Variants in EPHA3 observed in about 807,000 individuals in gnomAD.
The protein encoded by EPHA3 is EPH receptor A3, also known as ephrin type-A receptor 3.
Under a neutral mutation model 107.1 loss-of-function variants are expected in EPHA3, and 42 were observed. That is an observed-to-expected ratio of 0.39 (90% confidence interval 0.31 to 0.51). The LOEUF is 0.51. Among genes scored for constraint, EPHA3 ranks in the 20% least tolerant of loss-of-function variants. EPHA3 has a pLI of 0.78. For synonymous variants in EPHA3, 461 were observed against 424.8 expected (o/e 1.09, Z -1.05); for missense variants, 1,183 against 1,211.2 (o/e 0.98, Z 0.35).
intron 3 of EPHA3, among the ~76,000 whole-genome samples, chr3:89,237,584 G>C (rs1704796976): frequency 6.6e-6 from 1 of 152,058 alleles, no homozygotes; most frequent in African/African-American, 2.4e-5. Context: ...AAGTTAGTTG[G>C]TGGTGGATGT....
chr3:89,209,779 G>C, intron 2 of EPHA3, 81 bp from the exon 3 acceptor site: 2 of 1,180,732 alleles, frequency 1.7e-6, no homozygotes, highest in Non-Finnish European at 2.4e-6. Flanking sequence ...TTATTATATA[G>C]AGATGGCTCT....
intron 13 of EPHA3, among the ~76,000 whole-genome samples, chr3:89,441,408 T>C (rs1709781727): frequency 6.6e-6 from 1 of 152,216 alleles, no homozygotes; most frequent in Admixed American, 6.5e-5. Context: ...GAAGCTTTTC[T>C]GAAATACATA....
At chr3:89,264,393 C>T (rs568767056) in intron 3 of EPHA3, among the ~76,000 whole-genome samples, 1 of 152,222 alleles carries the variant, frequency 6.6e-6, no homozygotes, top group Non-Finnish European at 1.5e-5. Context: ...GATGTTCAGT[C>T]CTATGAATCT....
At chr3:89,323,198 A>C (rs2107383571) in intron 3 of EPHA3, among the ~76,000 whole-genome samples, 1 of 152,254 alleles carries the variant, frequency 6.6e-6, no homozygotes, top group South Asian at 2.1e-4. Context: ...ACAATATGTA[A>C]GCATTTATTT....
At chr3:89,370,107 C>T (rs1332174891) in intron 5 of EPHA3, among the ~76,000 whole-genome samples, 1 of 150,706 alleles carries the variant, frequency 6.6e-6, no homozygotes, top group African/African-American at 2.4e-5. Context: ...GGCGATTCCT[C>T]AGGGATCTAG....
At chr3:89,304,245 C>A (rs2107350031) in intron 3 of EPHA3, among the ~76,000 whole-genome samples, 1 of 152,236 alleles carries the variant, frequency 6.6e-6, no homozygotes, top group African/African-American at 2.4e-5. Flanking sequence ...CCAGTATGAA[C>A]TGTATTTCAG....
chr3:89,353,699 G>A (rs1301269574), intron 5 of EPHA3, among the ~76,000 whole-genome samples: 1 of 151,272 alleles, frequency 6.6e-6, no homozygotes, highest in East Asian at 1.9e-4. Context: ...ACCCTGGTAT[G>A]GAGGCACATT....
intron 3 of EPHA3, among the ~76,000 whole-genome samples, chr3:89,276,016 C>T (rs527307204): frequency 2.6e-5 from 4 of 152,070 alleles, no homozygotes; most frequent in African/African-American, 9.6e-5. Flanking sequence ...GAATAGCAGT[C>T]AGTGAGGCAT....
chr3:89,272,696 T>G lies in EPHA3; in HGVS notation c.814+62176T>G, dbSNP rs556682303. Among the ~76,000 whole-genome samples, 19 of 152,062 alleles carry G rather than the reference T, an allele frequency of 1.2e-4. No homozygotes were observed. The South Asian group carries it at 3.7e-3, about 30-fold the overall frequency. On this transcript the variant is annotated intron_variant, in intron 3 of 16. Coordinates refer to ENST00000336596, the MANE Select transcript of EPHA3 (RefSeq NM_005233.6). Reference sequence around the variant, plus strand: ...GTCTGACGTGGCTTTGATCTTTTACTTGGTCCACATTTTACTTACTCTTTT... The same window carrying G: ...GTCTGACGTGGCTTTGATCTTTTACGTGGTCCACATTTTACTTACTCTTTT...
At chr3:89,299,316 G>C (rs1410616205) in intron 3 of EPHA3, among the ~76,000 whole-genome samples, 1 of 151,964 alleles carries the variant, frequency 6.6e-6, no homozygotes, top group Non-Finnish European at 1.5e-5. Flanking sequence ...AGACAGAGCA[G>C]CATTACATTA....
chr3:89,399,528 A>C, intron 7 of EPHA3, 48 bp downstream of exon 7: 1 of 1,598,790 alleles, frequency 6.3e-7, no homozygotes, highest in Non-Finnish European at 8.6e-7. Flanking sequence ...GGGATCTTGC[A>C]AAAGATGTCT....
At chr3:89,305,246 A>G (rs1272907890) in intron 3 of EPHA3, among the ~76,000 whole-genome samples, 1 of 152,138 alleles carries the variant, frequency 6.6e-6, no homozygotes, top group South Asian at 2.1e-4. Context: ...TTATAGTTTT[A>G]TACTTTTCAA....
intron 15 of EPHA3, among the ~76,000 whole-genome samples, chr3:89,469,553 G>A (rs769534097): frequency 1.3e-5 from 2 of 152,158 alleles, no homozygotes; most frequent in Non-Finnish European, 2.9e-5. Flanking sequence ...ACATAAGAGA[G>A]TAAGTTGAAG....
chr3:89,286,157 T>TGG (rs1706078037), intron 3 of EPHA3, among the ~76,000 whole-genome samples: 1 of 151,380 alleles, frequency 6.6e-6, no homozygotes, highest in South Asian at 2.1e-4. Context: ...TGTGTGTGTG[T>TGG]GTGTTTCCAT....
chr3:89,415,680 A>G (rs1709232894), intron 10 of EPHA3, among the ~76,000 whole-genome samples: 1 of 151,120 alleles, frequency 6.6e-6, no homozygotes, highest in African/African-American at 2.4e-5. Flanking sequence ...ACAATTCCTA[A>G]TTTTACTCCT....
At chr3:89,291,658 C>T (rs536642894) in intron 3 of EPHA3, among the ~76,000 whole-genome samples, 1 of 152,204 alleles carries the variant, frequency 6.6e-6, no homozygotes, top group South Asian at 2.1e-4. Context: ...AAACTGAAGA[C>T]TTACTATTAA....
In EPHA3 at chr3:89,238,229, G is replaced by A. The variant is rs574424462; in HGVS notation, c.814+27709G>A. 1.4e-4 allele frequency among the ~76,000 whole-genome samples: 21 copies of A among 152,278 alleles called. No individual in the cohort carries two copies. In the South Asian group the frequency reaches 3.1e-3, roughly 23 times the overall value. ...ATTTTTAAGGGGAGGTAATTACGCA[G>A]TATGGGGTAGCCAGATGGATATGTG... is the stretch of plus-strand genomic sequence containing the variant. On this transcript the variant is annotated intron_variant, in intron 3 of 16. Transcript: ENST00000336596.
intron 3 of EPHA3, among the ~76,000 whole-genome samples, chr3:89,324,551 C>G (rs1163334883): frequency 6.7e-6 from 1 of 150,206 alleles, no homozygotes; most frequent in Non-Finnish European, 1.5e-5. Context: ...TTTATTTTTT[C>G]TACTTCTATT....
chr3:89,213,470 G>A (rs553896895), intron 3 of EPHA3, among the ~76,000 whole-genome samples: 5 of 152,022 alleles, frequency 3.3e-5, no homozygotes, highest in African/African-American at 1.2e-4. Context: ...AAATAAAGAT[G>A]TTAATTTTAT....
Sources: allele counts gnomAD v4.1 joint callset (sites outside exome capture counted in the v4.1 genomes callset), GRCh38; gene constraint gnomAD v4.1.1; transcripts MANE v1.5; gene names NCBI Gene and HGNC (gene_info 2026-07-23, HGNC 2026-07-21).